MGAT4C: variants seen among roughly 807,000 people sequenced by gnomAD.
MGAT4C encodes alpha-1,3-mannosyl-glycoprotein 4-beta-N-acetylglucosaminyltransferase C.
A neutral mutation model predicts 40.1 loss-of-function variants in MGAT4C; 19 were observed. The ratio of observed to expected loss-of-function variants is 0.47; its 90% CI spans 0.33 to 0.70. The LOEUF (loss-of-function observed/expected upper bound fraction) is 0.70, where lower values mean the gene tolerates loss of function less well. Ranked by LOEUF, MGAT4C falls within the 30% of genes least tolerant of loss-of-function variation. The pLI, the probability that MGAT4C is intolerant of heterozygous loss-of-function variation, is 0.02. For missense variants in MGAT4C, 491 were observed against 563.2 expected (o/e 0.87, Z 1.30); for synonymous variants, 181 against 187.1 (o/e 0.97, Z 0.27).
chr12:86,130,549 C>A (rs1881024279), intron 1 of MGAT4C, among the ~76,000 whole-genome samples: 1 of 151,964 alleles, frequency 6.6e-6, no homozygotes, highest in Admixed American at 6.6e-5. Context: ...TAAGAAAATT[C>A]TCTAGTGTTG....
chr12:86,295,796 C>T (rs968388558), intron 4 of MGAT4C, among the ~76,000 whole-genome samples: 8 of 152,142 alleles, frequency 5.3e-5, no homozygotes, highest in African/African-American at 7.2e-5. Flanking sequence ...CAAGGCCCCA[C>T]GAGAGCAGCT....
intron 3 of MGAT4C, among the ~76,000 whole-genome samples, chr12:86,345,867 C>A (rs950160752): frequency 2.0e-5 from 3 of 152,314 alleles, no homozygotes; most frequent in Non-Finnish European, 4.4e-5. Flanking sequence ...TAAAGTCCCA[C>A]CAACAGTGTA....
chr12:86,124,521 C>T (rs1443271714), intron 1 of MGAT4C, among the ~76,000 whole-genome samples: 1 of 152,042 alleles, frequency 6.6e-6, no homozygotes, highest in Non-Finnish European at 1.5e-5. Flanking sequence ...TTTGGTAAGT[C>T]CCATCCTGGT....
Position 85,958,637 on chromosome 12 carries a change from T to C in MGAT4C, c.*20652A>G, listed in dbSNP as rs941775465. The C allele has an allele frequency of 6.6e-6, 1 of 152,136 alleles. No individual in the cohort carries two copies. The highest frequency in any genetic ancestry group is 1.5e-5 in the Non-Finnish European group (1 of 68,010). The allele number at this position is 152,136 out of a possible 1,614,324, so 9.4% of individuals were successfully genotyped here. A position where few individuals can be genotyped will look rare whatever the true frequency, so the allele number is the denominator to read the frequency against. On this transcript the variant is annotated 3_prime_UTR_variant, in exon 5 of 5. Coordinates refer to ENST00000611864, the MANE Select transcript of MGAT4C (RefSeq NM_001351288.2). ...TAATTTTATCTACCTGTTCAGTAAGTGTTGGCAACTATGAATTAATCTTTG... is the reference window on the plus strand; with the variant it reads ...TAATTTTATCTACCTGTTCAGTAAGCGTTGGCAACTATGAATTAATCTTTG...
In MGAT4C at chr12:85,976,119, A is replaced by C. The variant is rs1042053972; in HGVS notation, c.*3170T>G. Reference sequence around the variant, plus strand: ...CATTTTTTATATAATTATTATACAGAACAGTTTTTCTATGATAGCATTATA... The same window carrying C: ...CATTTTTTATATAATTATTATACAGCACAGTTTTTCTATGATAGCATTATA... On this transcript the variant is annotated 3_prime_UTR_variant, in exon 5 of 5. Transcript: ENST00000611864. 3 of 151,038 alleles carry C rather than the reference A, an allele frequency of 2.0e-5. No individual in the cohort carries two copies. The highest frequency in any genetic ancestry group is 4.5e-5 in the Non-Finnish European group (3 of 67,206). 9.4% of individuals were successfully genotyped at this position (151,038 alleles called of 1,614,324 possible).
At chr12:86,043,198 T>A (rs1450618759) in intron 2 of MGAT4C, among the ~76,000 whole-genome samples, 1 of 152,170 alleles carries the variant, frequency 6.6e-6, no homozygotes, top group Non-Finnish European at 1.5e-5. Context: ...ACTAATATGA[T>A]AGATGTATAT....
chr12:86,735,471 G>A (rs1180842697), intron 1 of MGAT4C, among the ~76,000 whole-genome samples: 1 of 151,836 alleles, frequency 6.6e-6, no homozygotes, highest in Non-Finnish European at 1.5e-5. Context: ...AAGCTTAGCA[G>A]AAATAATTGC....
intron 2 of MGAT4C, among the ~76,000 whole-genome samples, chr12:86,509,098 C>A (rs1244444234): frequency 6.6e-6 from 1 of 152,038 alleles, no homozygotes; most frequent in African/African-American, 2.4e-5. Context: ...TCTTTTGTTG[C>A]CATTGCTTTT....
Position 85,967,649 on chromosome 12 carries a change from A to G in MGAT4C, c.*11640T>C, listed in dbSNP as rs946494595. ...TGTAGAAAAATATTTTAAATAAGAC[A>G]GAGCATTAAAATAATGTATTCATTG... On this transcript the variant is annotated 3_prime_UTR_variant, in exon 5 of 5. Coordinates refer to ENST00000611864, the MANE Select transcript of MGAT4C (RefSeq NM_001351288.2). The G allele has an allele frequency of 6.6e-6, 1 of 152,106 alleles. No individual in the cohort carries two copies. The highest frequency in any genetic ancestry group is 2.4e-5 in the African/African-American group (1 of 41,444). The allele number at this position is 152,106 out of a possible 1,614,324, so 9.4% of individuals were successfully genotyped here. A position where few individuals can be genotyped will look rare whatever the true frequency, so the allele number is the denominator to read the frequency against.
chr12:86,403,427 T>C (rs1956407263), intron 3 of MGAT4C, among the ~76,000 whole-genome samples: 1 of 152,234 alleles, frequency 6.6e-6, no homozygotes, highest in South Asian at 2.1e-4. Flanking sequence ...AATAATCTAA[T>C]AGAATTTTTG....
intron 1 of MGAT4C, among the ~76,000 whole-genome samples, chr12:86,160,387 G>T (rs921864879): frequency 6.6e-6 from 1 of 151,972 alleles, no homozygotes; most frequent in Non-Finnish European, 1.5e-5. Flanking sequence ...GTAGTATTAA[G>T]AAATCAATAG....
intron 2 of MGAT4C, among the ~76,000 whole-genome samples, chr12:86,694,426 A>C: frequency 6.6e-6 from 1 of 152,298 alleles, no homozygotes; most frequent in South Asian, 2.1e-4. Flanking sequence ...TTGACATTAG[A>C]GAACCAGAGC....
At chr12:86,118,121 A>G (rs1566008061) in intron 1 of MGAT4C, among the ~76,000 whole-genome samples, 3 of 152,330 alleles carry the variant, frequency 2.0e-5, no homozygotes. Flanking sequence ...AGGATACATG[A>G]ATAACATTTT....
intron 2 of MGAT4C, among the ~76,000 whole-genome samples, chr12:86,507,152 G>A (rs928588010): frequency 5.3e-5 from 8 of 152,124 alleles, no homozygotes; most frequent in African/African-American, 1.9e-4. Flanking sequence ...AAAATACTGA[G>A]ATAAAAATGT....
chr12:86,219,615 G>C (rs1950806224), intron 1 of MGAT4C, among the ~76,000 whole-genome samples: 1 of 152,110 alleles, frequency 6.6e-6, no homozygotes, highest in African/African-American at 2.4e-5. Context: ...GGCATTCCTG[G>C]AAAAATATCC....
chr12:86,825,942 G>A (rs961549753), intron 1 of MGAT4C, among the ~76,000 whole-genome samples: 1 of 151,444 alleles, frequency 6.6e-6, no homozygotes, highest in African/African-American at 2.4e-5. Context: ...AAAAGAGACT[G>A]TAGTATAAGG....
At chr12:86,261,214 C>A (rs555125975), upstream of MGAT4C, among the ~76,000 whole-genome samples, 34 of 152,184 alleles carry the variant, frequency 2.2e-4, 1 homozygote, top group African/African-American at 8.2e-4. Flanking sequence ...ATTGGTGAAC[C>A]TCTGCAGCAG....
At chr12:86,272,107 C>A (rs1241180107) in intron 4 of MGAT4C, among the ~76,000 whole-genome samples, 5 of 152,060 alleles carry the variant, frequency 3.3e-5, no homozygotes, top group Non-Finnish European at 7.4e-5. Flanking sequence ...ATATACTTAA[C>A]AAAAATATAC....
chr12:86,183,622 C>T (rs964772555), intron 1 of MGAT4C, among the ~76,000 whole-genome samples: 1 of 152,032 alleles, frequency 6.6e-6, no homozygotes, highest in African/African-American at 2.4e-5. Flanking sequence ...ATTTACTTCC[C>T]CCAGTTCTAG....
Sources: allele counts gnomAD v4.1 joint callset (sites outside exome capture counted in the v4.1 genomes callset), GRCh38; gene constraint gnomAD v4.1.1; transcripts MANE v1.5; gene names NCBI Gene and HGNC (gene_info 2026-07-23, HGNC 2026-07-21).